Variants in WTIP observed in about 807,000 individuals in gnomAD.
WTIP encodes Wilms tumor protein 1-interacting protein.
A neutral mutation model predicts 41.7 loss-of-function variants in WTIP; 23 were observed. The observed-to-expected ratio is 0.55, with a 90% confidence interval of 0.40 to 0.78. WTIP has a LOEUF of 0.78. WTIP is among the 30% of genes least tolerant of loss of function. WTIP has a pLI of 0.00. For missense variants in WTIP, 619 were observed against 610.5 expected (o/e 1.01, Z -0.15); for synonymous variants, 314 against 269.9 (o/e 1.16, Z -1.60).
chr19:34,484,017 C>T, intron 1 of WTIP, among the ~76,000 whole-genome samples: 1 of 150,348 alleles, frequency 6.7e-6, no homozygotes, highest in Non-Finnish European at 1.5e-5. Flanking sequence ...ACCTCCGACT[C>T]CCTGGTTCAA....
At chr19:34,500,003 A>G in intron 7 of WTIP, 126 bp from the exon 8 acceptor site, 1 of 1,356,524 alleles carries the variant, frequency 7.4e-7, no homozygotes, top group African/African-American at 1.4e-5. Context: ...GCCCGGCGGA[A>G]GAGTCTTCAT....
At chr19:34,491,426 C>T (rs1275683130) in intron 2 of WTIP, among the ~76,000 whole-genome samples, 9 of 151,310 alleles carry the variant, frequency 5.9e-5, no homozygotes, top group Non-Finnish European at 1.0e-4. Flanking sequence ...CTGGTTCAAG[C>T]GATTCTTCTG....
Position 34,493,424 on chromosome 19 carries a change from C to T in WTIP, c.901-68C>T, listed in dbSNP as rs929707183. The T allele has an allele frequency of 6.3e-7, 1 of 1,599,126 alleles. No individual in the cohort carries two copies. The highest frequency in any genetic ancestry group is 1.3e-5 in the African/African-American group (1 of 74,590). On this transcript the variant is annotated intron_variant, in intron 4 of 7. Coordinates refer to ENST00000590071, the MANE Select transcript of WTIP (RefSeq NM_001080436.2). The surrounding 1 kb of genome is among the most constrained non-coding windows in gnomAD (Gnocchi z 4.1). ...TCCAGACCTGCCAGGGGTTCAGGGC[C>T]AGAGCCTCTCCCAGGGCGGTGCTGA...
At chr19:34,499,660 C>T (rs2075873804) in intron 7 of WTIP, among the ~76,000 whole-genome samples, 1 of 152,088 alleles carries the variant, frequency 6.6e-6, no homozygotes, top group Middle Eastern at 3.2e-3. Context: ...CTCCAGTGCT[C>T]CACGCCGGGC....
At position 34,482,026 on chromosome 19, in the gene WTIP, C is replaced by G; in HGVS notation, c.52C>G (p.Leu18Val). The G allele has an allele frequency of 3.9e-6, 4 of 1,025,662 alleles. No homozygotes were observed. Among genetic ancestry groups the G allele is most frequent in the Non-Finnish European group, 4.7e-6 (4 of 857,444 alleles). 63.5% of individuals were successfully genotyped at this position (1,025,662 alleles called of 1,614,324 possible). Residue 18 changes from leucine (L) to valine (V), a missense_variant, in exon 1 of 8, where the codon CTG becomes GTG. Transcript: ENST00000590071. ...ADEAALLLAG[L>V]ALRELEPGCG... Reference sequence around the variant, plus strand: ...CGAGGCGGCCCTACTCCTGGCCGGGCTGGCCCTGCGGGAGCTGGAGCCCGG... The same window carrying G: ...CGAGGCGGCCCTACTCCTGGCCGGGGTGGCCCTGCGGGAGCTGGAGCCCGG...
chr19:34,487,815 G>T (rs1304486781), intron 1 of WTIP, among the ~76,000 whole-genome samples: 1 of 152,190 alleles, frequency 6.6e-6, no homozygotes, highest in Admixed American at 6.5e-5. Context: ...CCATCTTCAT[G>T]CCCTGTGTGG....
At position 34,510,627 on chromosome 19, in the gene WTIP, G is replaced by A. The variant is rs1294361569; in HGVS notation, c.*10358G>A. On this transcript the variant is annotated 3_prime_UTR_variant, in exon 8 of 8. Transcript: ENST00000590071. The stretch of plus-strand genomic sequence containing the variant: ...GCTTGAATTTCTTCTAAAAAAATGG[G>A]TGTTTCTTTACTGCATCGTCAGGCT... 1 of 152,166 alleles carries A rather than the reference G, an allele frequency of 6.6e-6. No individual in the cohort carries two copies. Among genetic ancestry groups the A allele is most frequent in the African/African-American group, 2.4e-5 (1 of 41,432 alleles). 9.4% of individuals were successfully genotyped at this position (152,166 alleles called of 1,614,324 possible). A position where few individuals can be genotyped will look rare whatever the true frequency, so the allele number is the denominator to read the frequency against.
intron 1 of WTIP, among the ~76,000 whole-genome samples, chr19:34,486,407 G>A (rs1599952618): frequency 7.4e-6 from 1 of 134,600 alleles, no homozygotes; most frequent in African/African-American, 2.8e-5. Flanking sequence ...TGCTCTTGTT[G>A]CCCAGGGTAG....
Position 34,490,540 on chromosome 19 carries a change from C to G in WTIP, c.769+63C>G, listed in dbSNP as rs368705516. 5.8e-5 allele frequency: 87 copies of G among 1,498,172 alleles called. No homozygotes were observed. The African/African-American group carries it at 9.6e-4, about 17-fold the overall frequency. 92.8% of individuals were successfully genotyped at this position (1,498,172 alleles called of 1,614,324 possible). A position where few individuals can be genotyped will look rare whatever the true frequency, so the allele number is the denominator to read the frequency against. ...GACCTGCCACATCATCCCCATTCCC[C>G]TCAAACTGCCTTGCCCCTGAGTCCA... On this transcript the variant is annotated intron_variant, in intron 2 of 7. Transcript: ENST00000590071.
In WTIP at chr19:34,506,372, A is replaced by T. The variant is rs1276894555; in HGVS notation, c.*6103A>T. 1 of 152,348 alleles carries T rather than the reference A, an allele frequency of 6.6e-6. No homozygotes were observed. The highest frequency in any genetic ancestry group is 3.4e-3 in the Middle Eastern group (1 of 294). The allele number at this position is 152,348 out of a possible 1,614,324, so 9.4% of individuals were successfully genotyped here. ...TCTTTCACTTCTTGCAAGTTGGTGA[A>T]AACAGACTCTTCCAGGGAATTTTAA... is the stretch of plus-strand genomic sequence containing the variant. On this transcript the variant is annotated 3_prime_UTR_variant, in exon 8 of 8. Coordinates refer to ENST00000590071, the MANE Select transcript of WTIP (RefSeq NM_001080436.2).
chr19:34,497,180 GC>G (rs1305935971), intron 7 of WTIP, among the ~76,000 whole-genome samples: 8 of 152,044 alleles, frequency 5.3e-5, no homozygotes, highest in Non-Finnish European at 8.8e-5. Context: ...CTGAATCTTG[GC>G]CCTGGGAATT....
intron 1 of WTIP, among the ~76,000 whole-genome samples, chr19:34,483,141 A>C (rs1170648574): frequency 1.4e-5 from 2 of 146,614 alleles, no homozygotes; most frequent in African/African-American, 5.0e-5. Flanking sequence ...AGAAGCTGGG[A>C]CTACAGGTGC....
intron 1 of WTIP, among the ~76,000 whole-genome samples, chr19:34,488,136 C>T (rs985195855): frequency 9.2e-5 from 14 of 151,728 alleles, no homozygotes; most frequent in Admixed American, 2.6e-4. Context: ...AGTGCAGTGG[C>T]GGGATCTTAG....
rs774869624 is a variant in WTIP, at chr19:34,490,422, G to A, written c.714G>A (p.Ala238=). The part of the protein sequence containing the change: ...CGLGIYGAQQ[A]CQAMGSLYHT... ...TTGGCATCTACGGAGCCCAGCAGGC[G>A]TGCCAGGCAATGGGGAGTCTTTATC... Residue 238 remains alanine, a synonymous_variant, in exon 2 of 8, where the codon GCG becomes GCA. Transcript: ENST00000590071. 26 of 1,613,872 alleles carry A rather than the reference G, an allele frequency of 1.6e-5. No homozygotes were observed. In the Middle Eastern group the frequency reaches 4.9e-4, roughly 31 times the overall value.
At position 34,492,212 on chromosome 19, in the gene WTIP, A is replaced by G. The variant is rs555209201; in HGVS notation, c.770-825A>G. Among the ~76,000 whole-genome samples, 329 of 149,060 alleles carry G rather than the reference A, an allele frequency of 2.2e-3. 2 individuals are homozygous for G. Among genetic ancestry groups the G allele is most frequent in the Admixed American group, 6.4e-3 (95 of 14,912 alleles). ...ACTGCAGCCTTGACTTCCTGGGCCC[A>G]AGTGATCTTCCTGCCTCAGCCCCAC... On this transcript the variant is annotated intron_variant, in intron 2 of 7. Transcript: ENST00000590071.
At chr19:34,490,673 GC>G (rs1291923300) in intron 2 of WTIP, among the ~76,000 whole-genome samples, 196 bp downstream of exon 2, 1 of 152,208 alleles carries the variant, frequency 6.6e-6, no homozygotes, top group Non-Finnish European at 1.5e-5. Flanking sequence ...GGACAGGGCT[GC>G]CCCCTGGTCG....
At chr19:34,498,855 A>C (rs1020296232) in intron 7 of WTIP, among the ~76,000 whole-genome samples, 18 of 150,988 alleles carry the variant, frequency 1.2e-4, no homozygotes, top group African/African-American at 4.1e-4. Context: ...AGCTGAGATC[A>C]TGCCACTGCA....
rs981000690 is a variant in WTIP at position 34,481,798 on chromosome 19, C to G, written c.-177C>G. On this transcript the variant is annotated 5_prime_UTR_variant, in exon 1 of 8. Transcript: ENST00000590071. ...CGCGCCGCCGAGCAGGGCGCCGCGTCCCCCGGCCCGCGCGTGGCCGCCGGA... is the reference window on the plus strand; with the variant it reads ...CGCGCCGCCGAGCAGGGCGCCGCGTGCCCCGGCCCGCGCGTGGCCGCCGGA... 1.2e-5 allele frequency: 2 copies of G among 169,670 alleles called. No individual in the cohort carries two copies. Among genetic ancestry groups the G allele is most frequent in the Non-Finnish European group, 2.3e-5 (2 of 86,996 alleles). The allele number at this position is 169,670 out of a possible 1,614,324, so 10.5% of individuals were successfully genotyped here.
chr19:34,511,569 G>T lies in WTIP; in HGVS notation c.*11300G>T, dbSNP rs556744940. On this transcript the variant is annotated 3_prime_UTR_variant, in exon 8 of 8. Coordinates refer to ENST00000590071, the MANE Select transcript of WTIP (RefSeq NM_001080436.2). ...CTGAACATGAAAATGGCAGGCCAAG[G>T]GTTCCTGCCTTTGGATGCACATGGC... The T allele has an allele frequency of 7.3e-4, 111 of 152,276 alleles. No homozygotes were observed. Among genetic ancestry groups the T allele is most frequent in the African/African-American group, 2.6e-3 (107 of 41,540 alleles). 9.4% of individuals were successfully genotyped at this position (152,276 alleles called of 1,614,324 possible). A position where few individuals can be genotyped will look rare whatever the true frequency, so the allele number is the denominator to read the frequency against.
Sources: allele counts gnomAD v4.1 joint callset (sites outside exome capture counted in the v4.1 genomes callset), GRCh38; gene constraint gnomAD v4.1.1; non-coding constraint Gnocchi (gnomAD v3.1); transcripts MANE v1.5; gene names NCBI Gene and HGNC (gene_info 2026-07-23, HGNC 2026-07-21).